Variants in CCSER1 observed in about 807,000 individuals in gnomAD.
CCSER1 encodes the protein serine-rich coiled-coil domain-containing protein 1.
A neutral mutation model predicts 82.0 loss-of-function variants in CCSER1; 41 were observed. That is an observed-to-expected ratio of 0.50 (90% CI 0.39 to 0.65). CCSER1 has a LOEUF of 0.65. Among genes scored for constraint, CCSER1 ranks in the 30% least tolerant of loss-of-function variants. The probability of loss-of-function intolerance (pLI) is 0.00; values close to 1 mark genes in which losing one functional copy is unlikely to be tolerated. For missense variants in CCSER1, 1,119 were observed against 1,064.2 expected (o/e 1.05, Z -0.72); for synonymous variants, 414 against 383.9 (o/e 1.08, Z -0.92).
chr4:91,217,491 G>A (rs1012451021), intron 10 of CCSER1, among the ~76,000 whole-genome samples: 1 of 152,102 alleles, frequency 6.6e-6, no homozygotes, highest in Non-Finnish European at 1.5e-5. Context: ...CAAACCTTGA[G>A]CTAAACACAG....
intron 6 of CCSER1, among the ~76,000 whole-genome samples, chr4:90,670,702 A>G (rs1362124307): frequency 6.6e-6 from 1 of 152,116 alleles, no homozygotes; most frequent in Non-Finnish European, 1.5e-5. Context: ...TCAAGACCAT[A>G]GACATATTTA....
At chr4:91,595,282 T>G (rs182239862) in intron 10 of CCSER1, among the ~76,000 whole-genome samples, 1 of 152,162 alleles carries the variant, frequency 6.6e-6, no homozygotes. Context: ...TTCTTCATTC[T>G]CTATAGTTGT....
intron 7 of CCSER1, among the ~76,000 whole-genome samples, chr4:90,771,401 A>G (rs932207955): frequency 1.3e-5 from 2 of 151,752 alleles, no homozygotes; most frequent in African/African-American, 4.8e-5. Flanking sequence ...TGTTCTTAAA[A>G]TGTATTGACC....
At chr4:90,366,545 T>C (rs1009947351) in intron 3 of CCSER1, among the ~76,000 whole-genome samples, 8 of 151,800 alleles carry the variant, frequency 5.3e-5, no homozygotes, top group African/African-American at 1.9e-4. Context: ...CATACTCTAT[T>C]ATTAACTATA....
intron 10 of CCSER1, among the ~76,000 whole-genome samples, chr4:91,111,639 A>G (rs1370171847): frequency 6.6e-6 from 1 of 151,906 alleles, no homozygotes; most frequent in Non-Finnish European, 1.5e-5. Flanking sequence ...GAGGTCATAA[A>G]TTTGTAGGTA....
intron 7 of CCSER1, among the ~76,000 whole-genome samples, chr4:90,759,151 A>C (rs1412484398): frequency 6.6e-6 from 1 of 152,136 alleles, no homozygotes; most frequent in Non-Finnish European, 1.5e-5. Context: ...CTTCCTCCCA[A>C]GTAGTAGATA....
intron 7 of CCSER1, among the ~76,000 whole-genome samples, chr4:90,732,735 CA>C (rs1168402450): frequency 2.0e-5 from 3 of 152,124 alleles, no homozygotes; most frequent in Admixed American, 6.6e-5. Flanking sequence ...CTATCTCCAT[CA>C]GTTTAATTAT....
intron 5 of CCSER1, among the ~76,000 whole-genome samples, chr4:90,552,285 T>C (rs936667336): frequency 9.2e-5 from 14 of 152,154 alleles, no homozygotes; most frequent in African/African-American, 3.1e-4. Flanking sequence ...ATGAATCAAT[T>C]GATGATTTTC....
At chr4:90,893,958 ATATTGT>A (rs1271389888) in intron 8 of CCSER1, among the ~76,000 whole-genome samples, 1 of 152,038 alleles carries the variant, frequency 6.6e-6, no homozygotes, top group Non-Finnish European at 1.5e-5. Flanking sequence ...TAGCTAGATA[ATATTGT>A]TGTAGAGTTG....
intron 3 of CCSER1, among the ~76,000 whole-genome samples, chr4:90,330,033 A>T (rs1464780965): frequency 1.3e-5 from 2 of 152,188 alleles, no homozygotes; most frequent in African/African-American, 4.8e-5. Context: ...GAAGAAAATA[A>T]TGATAGATTA....
rs1159393271 is a variant in CCSER1, at chr4:90,417,298, C to T, written c.1603+17169C>T. On this transcript the variant is annotated intron_variant, in intron 4 of 10. Coordinates refer to ENST00000509176, the MANE Select transcript of CCSER1 (RefSeq NM_001145065.2). ...GTTGTTAGTCAAATGTCCAAATTGC[C>T]ATAGCATATTTAAAATAGAAATTTA... 2.6e-5 allele frequency among the ~76,000 whole-genome samples: 4 copies of T among 151,862 alleles called. No individual in the cohort carries two copies. The East Asian group carries it at 7.7e-4, about 29-fold the overall frequency.
chr4:90,881,616 GCAA>G (rs34481802), intron 8 of CCSER1, among the ~76,000 whole-genome samples: 6,777 of 151,866 alleles, frequency 0.045, 326 homozygotes, highest in East Asian at 0.22. Context: ...TACCAAAAAT[GCAA>G]CAACAACAAC....
chr4:90,266,440 G>A (rs537338202), intron 1 of CCSER1, among the ~76,000 whole-genome samples: 364 of 150,746 alleles, frequency 2.4e-3, no homozygotes, highest in African/African-American at 8.5e-3. Flanking sequence ...TTTTTGTGGA[G>A]CAAGATGACC....
chr4:91,067,669 A>T (rs1720985086), intron 9 of CCSER1, among the ~76,000 whole-genome samples: 1 of 152,036 alleles, frequency 6.6e-6, no homozygotes, highest in African/African-American at 2.4e-5. Flanking sequence ...AAGGTAAATT[A>T]CACCCTTTGT....
At chr4:90,726,401 A>G (rs1245979428) in intron 7 of CCSER1, among the ~76,000 whole-genome samples, 1 of 152,028 alleles carries the variant, frequency 6.6e-6, no homozygotes, top group Admixed American at 6.6e-5. Context: ...GAAATTGGCT[A>G]TTGTTAGGAA....
chr4:90,554,206 AC>A (rs2153643406), intron 5 of CCSER1, among the ~76,000 whole-genome samples: 1 of 152,120 alleles, frequency 6.6e-6, no homozygotes, highest in East Asian at 1.9e-4. Flanking sequence ...CAAAAAAAAC[AC>A]GAATGAATTT....
intron 1 of CCSER1, among the ~76,000 whole-genome samples, chr4:90,180,233 T>A (rs1271413308): frequency 6.6e-6 from 1 of 151,912 alleles, no homozygotes; most frequent in Non-Finnish European, 1.5e-5. Context: ...TGCAGACAGT[T>A]TTTTAGAGTT....
Position 91,013,189 on chromosome 4 carries a change from T to A in CCSER1, c.2173-72761T>A, listed in dbSNP as rs1739139853. On this transcript the variant is annotated intron_variant, in intron 9 of 10. Coordinates refer to ENST00000509176, the MANE Select transcript of CCSER1 (RefSeq NM_001145065.2). ...GTCACACTCTCTTTTCCAGGAGTTT[T>A]TTTATTTCAAGTCTTATGTTTAAGT... 1.5e-5 allele frequency among the ~76,000 whole-genome samples: 2 copies of A among 134,800 alleles called. 1 individual carries two copies. 88.4% of individuals were successfully genotyped at this position (134,800 alleles called of 152,430 possible).
rs1730228082 is a variant in CCSER1 at position 90,932,982 on chromosome 4, G to GAGAGAGAGAGAA, written c.2172+9538_2172+9539insGAGAGAGAAAGA. 4.2e-4 allele frequency among the ~76,000 whole-genome samples: 8 copies of GAGAGAGAGAGAA among 18,856 alleles called. 3 individuals are homozygous for GAGAGAGAGAGAA. The highest frequency in any genetic ancestry group is 3.1e-3 in the South Asian group (2 of 650). The allele number at this position is 18,856 out of a possible 152,430, so 12.4% of individuals were successfully genotyped here. The stretch of plus-strand genomic sequence containing the variant: ...AGAAAGAAAGAAAGAAAGAAAGAAA[G>GAGAGAGAGAGAA]AGAAAGAAAGAAAGAAAGAAAGAAA... On this transcript the variant is annotated intron_variant, in intron 9 of 10. Transcript: ENST00000509176.
Sources: allele counts gnomAD v4.1 joint callset (sites outside exome capture counted in the v4.1 genomes callset), GRCh38; gene constraint gnomAD v4.1.1; transcripts MANE v1.5; gene names NCBI Gene and HGNC (gene_info 2026-07-23, HGNC 2026-07-21).